Variants in HDC observed in about 807,000 individuals in gnomAD.
HDC encodes histidine decarboxylase.
A neutral mutation model predicts 64.4 loss-of-function variants in HDC; 27 were observed. The ratio of observed to expected loss-of-function variants is 0.42; its 90% CI spans 0.31 to 0.58. The LOEUF is 0.58. Among genes scored for constraint, HDC ranks in the 20% least tolerant of loss-of-function variants. The probability of loss-of-function intolerance (pLI) is 0.16; values close to 1 mark genes in which losing one functional copy is unlikely to be tolerated. For missense variants in HDC, 711 were observed against 833.9 expected, an observed-to-expected ratio of 0.85 and a Z score of 1.81; for synonymous variants, 305 against 314.2, an observed-to-expected ratio of 0.97 and a Z score of 0.31.
At chr15:50,263,474 C>G in intron 1 of HDC, 67 bp from the exon 2 acceptor site, 1 of 1,479,326 alleles carries the variant, frequency 6.8e-7, no homozygotes, top group Non-Finnish European at 9.4e-7. Flanking sequence ...GTGCCCATCC[C>G]TCTCAGGTCC....
chr15:50,243,354 C>A, intron 10 of HDC, 110 bp from the exon 11 acceptor site: 1 of 785,404 alleles, frequency 1.3e-6, no homozygotes, highest in Non-Finnish European at 2.2e-6. Flanking sequence ...CCCGTCACAG[C>A]CGTTGTAAGC....
At chr15:50,243,541 C>A (rs2045432958) in intron 10 of HDC, among the ~76,000 whole-genome samples, 1 of 152,224 alleles carries the variant, frequency 6.6e-6, no homozygotes, top group African/African-American at 2.4e-5. Context: ...GGCAACCCGG[C>A]CTCAACTCCT....
intron 2 of HDC, among the ~76,000 whole-genome samples, chr15:50,258,887 G>A (rs921932107): frequency 4.6e-5 from 7 of 152,158 alleles, no homozygotes; most frequent in African/African-American, 9.7e-5. Flanking sequence ...CAGGCCGGGT[G>A]CGGTGGCTCA....
intron 10 of HDC, among the ~76,000 whole-genome samples, chr15:50,247,013 C>T (rs932807545): frequency 4.6e-5 from 7 of 152,170 alleles, no homozygotes; most frequent in African/African-American, 1.7e-4. Flanking sequence ...TTCACATGTT[C>T]TCACTCAAAC....
In HDC at chr15:50,254,213, C is replaced by T. The variant is rs776214133; in HGVS notation, c.637G>A (p.Val213Met). ...CCTCGGAGTGAGAAGTTGTCATCCA[C>T]AGGCAGAAATTTCATCTTCACAAGG... ...ISLVKMKFLP[V>M]DDNFSLRGEA... Residue 213 changes from valine (V) to methionine (M), a missense_variant, in exon 6 of 12, where the codon GTG (valine) becomes ATG (methionine). Coordinates refer to ENST00000267845, the MANE Select transcript of HDC (RefSeq NM_002112.4). 2.5e-6 allele frequency: 4 copies of T among 1,614,186 alleles called. No individual in the cohort carries two copies. In the Admixed American group the frequency reaches 5.0e-5, roughly 20 times the overall value.
intron 10 of HDC, among the ~76,000 whole-genome samples, chr15:50,247,140 G>A (rs988041442): frequency 2.1e-4 from 32 of 152,248 alleles, no homozygotes; most frequent in African/African-American, 7.2e-4. Flanking sequence ...GTTAACGGGC[G>A]CAAAAATACA....
intron 9 of HDC, among the ~76,000 whole-genome samples, chr15:50,251,645 A>G (rs1321062756): frequency 1.3e-5 from 2 of 152,174 alleles, no homozygotes; most frequent in African/African-American, 4.8e-5. Flanking sequence ...CCCTCAGGCA[A>G]AATACTGGCT....
chr15:50,262,708 G>A (rs1374139592), intron 2 of HDC, among the ~76,000 whole-genome samples: 2 of 152,172 alleles, frequency 1.3e-5, no homozygotes, highest in Non-Finnish European at 2.9e-5. Flanking sequence ...GGGTTGCCAG[G>A]GCCCACTCAG....
chr15:50,248,785 C>T lies in HDC; in HGVS notation c.1042-442G>A, dbSNP rs2045516640. The stretch of plus-strand genomic sequence containing the variant: ...GGTAGTTAGAGCACAGACACTAGAG[C>T]CCTGCAGACCTAGGTTTCGCCTCCA... On this transcript the variant is annotated intron_variant, in intron 9 of 11. Transcript: ENST00000267845. The surrounding 1 kb of genome is among the most constrained non-coding windows in gnomAD (Gnocchi z 4.3). Among the ~76,000 whole-genome samples the T allele has an allele frequency of 6.6e-6, 1 of 152,150 alleles. No individual in the cohort carries two copies. Among genetic ancestry groups the T allele is most frequent in the Admixed American group, 6.5e-5 (1 of 15,284 alleles).
In HDC at chr15:50,248,278, G is replaced by A. The variant is rs770618647; in HGVS notation, c.1107C>T (p.Phe369=). 7.3e-5 allele frequency: 117 copies of A among 1,613,788 alleles called. No homozygotes were observed. Among genetic ancestry groups the A allele is most frequent in the Middle Eastern group, 1.6e-4 (1 of 6,084 alleles). ...CATGTGCTTGAAGATTCTTCACCCC[G>A]AAGGACCGAATCACGAACCAGAGTT... ...SVKLWFVIRS[F]GVKNLQAHVR... The change falls in exon 10 of 12, where the codon TTC becomes TTT. Residue 369 remains phenylalanine, a synonymous_variant. Coordinates refer to ENST00000267845, the MANE Select transcript of HDC (RefSeq NM_002112.4). The surrounding 1 kb of genome is among the most constrained non-coding windows in gnomAD (Gnocchi z 4.3).
intron 10 of HDC, among the ~76,000 whole-genome samples, chr15:50,244,096 T>C (rs1024070331): frequency 1.3e-5 from 2 of 152,062 alleles, no homozygotes; most frequent in African/African-American, 4.8e-5. Flanking sequence ...TGTCCTGGGG[T>C]TTTTTGCTTT....
In HDC at chr15:50,242,880, T is replaced by G; in HGVS notation, c.1369A>C (p.Arg457=). 6.2e-7 allele frequency: 1 copy of G among 1,613,940 alleles called. No homozygotes were observed. The highest frequency in any genetic ancestry group is 8.5e-7 in the Non-Finnish European group (1 of 1,179,810). ...RFTVTSQFTT[R]DDILRDWNLI... ...TTCCAGTCTCTCAGGATGTCATCCC[T>G]AGTGGTAAACTGGGATGTCACAGTG... Residue 457 remains arginine, a synonymous_variant, in exon 12 of 12, where the codon AGG becomes CGG. Coordinates refer to ENST00000267845, the MANE Select transcript of HDC (RefSeq NM_002112.4).
At chr15:50,245,396 G>A (rs963392236) in intron 10 of HDC, among the ~76,000 whole-genome samples, 1 of 151,872 alleles carries the variant, frequency 6.6e-6, no homozygotes, top group African/African-American at 2.4e-5. Context: ...AGGAGATGAG[G>A]ATGATGATGA....
Position 50,263,130 on chromosome 15 carries a change from T to C in HDC, c.204+105A>G, listed in dbSNP as rs560844125. 2.4e-4 allele frequency: 279 copies of C among 1,153,858 alleles called. 4 individuals are homozygous for C. In the South Asian group the frequency reaches 3.3e-3, roughly 14 times the overall value. 71.5% of individuals were successfully genotyped at this position (1,153,858 alleles called of 1,614,324 possible). A position where few individuals can be genotyped will look rare whatever the true frequency, so the allele number is the denominator to read the frequency against. ...TGTTGGTGGCCAAGTGGCTGAAGGA[T>C]GCATTCTCATCCCAAGCTGACCCAA... On this transcript the variant is annotated intron_variant, in intron 2 of 11. Coordinates refer to ENST00000267845, the MANE Select transcript of HDC (RefSeq NM_002112.4).
At chr15:50,263,489 C>T in intron 1 of HDC, 82 bp from the exon 2 acceptor site, 1 of 1,346,458 alleles carries the variant, frequency 7.4e-7, no homozygotes, top group Non-Finnish European at 1.0e-6. Flanking sequence ...AGGTCCGGGC[C>T]AAGAGACTTG....
chr15:50,252,964 C>T (rs552749002), intron 7 of HDC, 190 bp from the exon 8 acceptor site: 28 of 623,514 alleles, frequency 4.5e-5, no homozygotes, highest in Non-Finnish European at 6.8e-5. Context: ...TCATTACCTC[C>T]GAATGGGAAA....
In HDC at chr15:50,254,750, CT is replaced by C; in HGVS notation, c.442-87del. 3.4e-6 allele frequency: 3 copies of C among 869,568 alleles called. No individual in the cohort carries two copies. The African/African-American group carries it at 6.2e-5, about 18-fold the overall frequency. 53.9% of individuals were successfully genotyped at this position (869,568 alleles called of 1,614,324 possible). A position where few individuals can be genotyped will look rare whatever the true frequency, so the allele number is the denominator to read the frequency against. Reference sequence around the variant, plus strand: ...GCTTTCTAGTTTTTTCTCTCTCTCTCTCTCTCTCTCTCTCTCTCTCTCTCTC... The same window carrying C: ...GCTTTCTAGTTTTTTCTCTCTCTCTCCTCTCTCTCTCTCTCTCTCTCTCTC... On this transcript the variant is annotated intron_variant, in intron 4 of 11. Coordinates refer to ENST00000267845, the MANE Select transcript of HDC (RefSeq NM_002112.4).
chr15:50,249,635 T>C (rs2045527789), intron 9 of HDC, among the ~76,000 whole-genome samples: 1 of 152,194 alleles, frequency 6.6e-6, no homozygotes, highest in African/African-American at 2.4e-5. Context: ...TGGAACAAAA[T>C]TGCTGTAACA....
At chr15:50,254,324 C>G in intron 5 of HDC, 51 bp from the exon 6 acceptor site, 3 of 1,605,874 alleles carry the variant, frequency 1.9e-6, no homozygotes, top group Non-Finnish European at 2.6e-6. Flanking sequence ...GGAATGATCA[C>G]CCCCCAGAAA....
Sources: allele counts gnomAD v4.1 joint callset (sites outside exome capture counted in the v4.1 genomes callset), GRCh38; gene constraint gnomAD v4.1.1; non-coding constraint Gnocchi (gnomAD v3.1); transcripts MANE v1.5; gene names NCBI Gene and HGNC (gene_info 2026-07-23, HGNC 2026-07-21).